GBP2: variants seen among roughly 807,000 people sequenced by gnomAD.
GBP2 encodes the protein guanylate binding protein 2.
GBP2 carries 54 observed loss-of-function variants against 60.8 expected under a neutral mutation model. That is an observed-to-expected ratio of 0.89 (90% CI 0.71 to 1.11). The LOEUF (loss-of-function observed/expected upper bound fraction) is 1.11. GBP2 is among the 50% of genes most tolerant of loss of function. The pLI, the probability that GBP2 is intolerant of heterozygous loss-of-function variation, is 0.00. For synonymous variants in GBP2, 243 were observed against 256.5 expected (o/e 0.95, Z 0.50); for missense variants, 665 against 703.3 (o/e 0.95, Z 0.62).
In GBP2 at chr1:89,121,262, G is replaced by A. The variant is rs771537263; in HGVS notation, c.199C>T (p.Leu67=). 4 of 1,604,270 alleles carry A rather than the reference G, an allele frequency of 2.5e-6. No individual in the cohort carries two copies. The African/African-American group carries it at 4.0e-5, about 16-fold the overall frequency. ...GTGTGAGACTTCACTGTGGAGCCTA[G>A]AGAGAAGCCTGTAGAAGGAGAGGAT... The part of the protein sequence containing the change: ...KLAGKKNGFS[L]GSTVKSHTKG... Residue 67 remains leucine, a synonymous_variant, in exon 3 of 11, where the codon CTA becomes TTA. Transcript: ENST00000370466.
chr1:89,121,279 G>A lies in GBP2; in HGVS notation c.191-9C>T. ...GGAGCCTAGAGAGAAGCCTGTAGAA[G>A]GAGAGGATAAAAGGGAAAAGAAATT... is the stretch of plus-strand genomic sequence containing the variant. On this transcript the variant is annotated splice_polypyrimidine_tract_variant and intron_variant, in intron 2 of 10. Transcript: ENST00000370466. The A allele has an allele frequency of 1.3e-6, 2 of 1,594,314 alleles. No individual in the cohort carries two copies. Among genetic ancestry groups the A allele is most frequent in the Non-Finnish European group, 1.7e-6 (2 of 1,171,316 alleles).
In GBP2 at chr1:89,108,103, C is replaced by G. The variant is rs1681088398; in HGVS notation, c.*72G>C. Reference sequence around the variant, plus strand: ...TAAGTTTAATGGCAGTTGTTTGACACTCTGAAGTTGCTCATTCATGTTGTT... The same window carrying G: ...TAAGTTTAATGGCAGTTGTTTGACAGTCTGAAGTTGCTCATTCATGTTGTT... On this transcript the variant is annotated 3_prime_UTR_variant, in exon 11 of 11. Coordinates refer to ENST00000370466, the MANE Select transcript of GBP2 (RefSeq NM_004120.5). The G allele has an allele frequency of 5.1e-6, 4 of 782,296 alleles. 1 individual carries two copies. In the South Asian group the frequency reaches 6.0e-5, roughly 12 times the overall value. 48.5% of individuals were successfully genotyped at this position (782,296 alleles called of 1,614,324 possible). A position where few individuals can be genotyped will look rare whatever the true frequency, so the allele number is the denominator to read the frequency against.
chr1:89,124,913 G>A (rs1681489563), intron 1 of GBP2, among the ~76,000 whole-genome samples: 1 of 152,194 alleles, frequency 6.6e-6, no homozygotes, highest in South Asian at 2.1e-4. Context: ...TTCAGGTAAT[G>A]AAGCCAGCAT....
chr1:89,121,919 G>T lies in GBP2; in HGVS notation c.48C>A (p.Asn16Lys). ...NLPGPMSLID[N>K]TKGQLVVNPE... ...GATTCACCACCAGCTGCCCTTTAGT[G>T]TTATCAATGAGGCTCATTGGGCCCG... Residue 16 changes from asparagine to lysine, a missense_variant, in exon 2 of 11, where the codon AAC (asparagine) becomes AAA (lysine). Asn to Lys is a moderately conservative substitution (Grantham distance 94). Transcript: ENST00000370466. 1 of 1,614,006 alleles carries T rather than the reference G, an allele frequency of 6.2e-7. No homozygotes were observed. The highest frequency in any genetic ancestry group is 1.6e-4 in the Middle Eastern group (1 of 6,062).
chr1:89,125,037 A>G (rs1222622922), intron 1 of GBP2, among the ~76,000 whole-genome samples: 2 of 152,220 alleles, frequency 1.3e-5, no homozygotes, highest in Non-Finnish European at 2.9e-5. Flanking sequence ...TGATAATTTG[A>G]TAATTTTGTA....
rs140765409 is a variant in GBP2, at chr1:89,117,750, C to T, written c.452G>A (p.Arg151Gln). Residue 151 changes from arginine (R) to glutamine (Q), a missense_variant, in exon 5 of 11, where the codon CGA (arginine) becomes CAA (glutamine). Physicochemically the swap from Arg to Gln is conservative, Grantham distance 43 (BLOSUM62 1). Coordinates refer to ENST00000370466, the MANE Select transcript of GBP2 (RefSeq NM_004120.5). ...ACCAGGTGAGGAGTTTGCCTTGATT[C>T]GATCTGTCAGCTCTGTCACATAGCT... ...QLHYVTELTD[R>Q]IKANSSPGNN... 45 of 1,613,122 alleles carry T rather than the reference C, an allele frequency of 2.8e-5. 1 individual carries two copies. In the Admixed American group the frequency reaches 2.8e-4, roughly 10 times the overall value.
Position 89,107,284 on chromosome 1 carries a change from GCAGT to G in GBP2, c.*887_*890del, listed in dbSNP as rs1681075340. ...ATAGCAGAGGAGCAGAGAGAAAAAT[GCAGT>G]CAAGTTTTAGGCTTTATAGGATTAT... On this transcript the variant is annotated 3_prime_UTR_variant, in exon 11 of 11. Coordinates refer to ENST00000370466, the MANE Select transcript of GBP2 (RefSeq NM_004120.5). Among the ~76,000 whole-genome samples, 1 of 151,956 alleles carries G rather than the reference GCAGT, an allele frequency of 6.6e-6. No individual in the cohort carries two copies. Among genetic ancestry groups the G allele is most frequent in the African/African-American group, 2.4e-5 (1 of 41,314 alleles).
rs1220806342 is a variant in GBP2, at chr1:89,107,304, A to T, written c.*871T>A. Reference sequence around the variant, plus strand: ...AAAATGCAGTCAAGTTTTAGGCTTTATAGGATTATAGTCCTGGTCCTCAGA... The same window carrying T: ...AAAATGCAGTCAAGTTTTAGGCTTTTTAGGATTATAGTCCTGGTCCTCAGA... On this transcript the variant is annotated 3_prime_UTR_variant, in exon 11 of 11. Transcript: ENST00000370466. 6.6e-6 allele frequency among the ~76,000 whole-genome samples: 1 copy of T among 152,048 alleles called. No individual in the cohort carries two copies. Among genetic ancestry groups the T allele is most frequent in the Non-Finnish European group, 1.5e-5 (1 of 68,020 alleles).
rs750332417 is a variant in GBP2, at chr1:89,112,627, CTGA to C, written c.1204_1206del (p.Ser402del). ...TCCTGAAGTAAAGCCATGCAACAAT[CTGA>C]TGATGCTTTGGAATTCTGCTTACAA... On this transcript the variant is annotated inframe_deletion, in exon 8 of 11. Coordinates refer to ENST00000370466, the MANE Select transcript of GBP2 (RefSeq NM_004120.5). 18 of 1,614,088 alleles carry C rather than the reference CTGA, an allele frequency of 1.1e-5. No individual in the cohort carries two copies. The African/African-American group carries it at 2.4e-4, about 22-fold the overall frequency.
chr1:89,110,745 G>T (rs1359766453), intron 8 of GBP2, among the ~76,000 whole-genome samples: 1 of 152,102 alleles, frequency 6.6e-6, no homozygotes, highest in Non-Finnish European at 1.5e-5. Flanking sequence ...AGGGATAAAA[G>T]ACTACACACT....
chr1:89,113,977 T>C (rs772019954), intron 7 of GBP2, 39 bp downstream of exon 7: 2 of 1,607,316 alleles, frequency 1.2e-6, no homozygotes, highest in South Asian at 1.1e-5. Flanking sequence ...GAAGGGCCCA[T>C]ATTTTTCTGC....
chr1:89,114,107 T>G lies in GBP2; in HGVS notation c.1058A>C (p.Asp353Ala). 1.2e-6 allele frequency: 2 copies of G among 1,614,226 alleles called. No individual in the cohort carries two copies. Among genetic ancestry groups the G allele is most frequent in the Admixed American group, 3.3e-5 (2 of 60,032 alleles). ...CTCTCTCTCACTGTCCCTGTGCAGG[T>G]CCAGCAGCTCCTGGAGGGTTTCCGT... The part of the protein sequence containing the change: ...LPTETLQELL[D>A]LHRDSEREAI... Residue 353 changes from aspartate (D) to alanine (A), a missense_variant, in exon 7 of 11, where the codon GAC becomes GCC. Transcript: ENST00000370466.
At position 89,110,106 on chromosome 1, in the gene GBP2, T is replaced by C. The variant is rs1570315792; in HGVS notation, c.1465+58A>G. ...ATAATAATTCCAGGTGGACCAATAT[T>C]GCTAACTAACATTTTGAGAGCTTTC... On this transcript the variant is annotated intron_variant, in intron 9 of 10. Transcript: ENST00000370466. 12 of 1,257,120 alleles carry C rather than the reference T, an allele frequency of 9.5e-6. No homozygotes were observed. In the South Asian group the frequency reaches 1.2e-4, roughly 13 times the overall value. 77.9% of individuals were successfully genotyped at this position (1,257,120 alleles called of 1,614,324 possible).
rs1314172154 is a variant in GBP2, at chr1:89,117,719, A to G, written c.483T>C (p.Asn161=). The change falls in exon 5 of 11, where the codon AAT becomes AAC. Residue 161 remains asparagine, a synonymous_variant. Transcript: ENST00000370466. ...CAAAGTCAGCTGAGTCGTCTACAGA[A>G]TTGTTACCAGGTGAGGAGTTTGCCT... ...RIKANSSPGN[N]SVDDSADFVS... is the part of the protein sequence containing the mutation. 2.5e-6 allele frequency: 4 copies of G among 1,614,102 alleles called. No homozygotes were observed. The East Asian group carries it at 8.9e-5, about 36-fold the overall frequency.
Position 89,108,072 on chromosome 1 carries a change from T to C in GBP2, c.*103A>G, listed in dbSNP as rs1204574675. On this transcript the variant is annotated 3_prime_UTR_variant, in exon 11 of 11. Transcript: ENST00000370466. ...CAACAAAAATGCATGCATCATGATT[T>C]TGAGTTAAGTTTAATGGCAGTTGTT... 2 of 676,832 alleles carry C rather than the reference T, an allele frequency of 3.0e-6. No homozygotes were observed. The highest frequency in any genetic ancestry group is 2.4e-5 in the Admixed American group (1 of 41,244). The allele number at this position is 676,832 out of a possible 1,614,324, so 41.9% of individuals were successfully genotyped here.
chr1:89,111,664 A>C (rs1250952155), intron 8 of GBP2, among the ~76,000 whole-genome samples: 1 of 151,832 alleles, frequency 6.6e-6, no homozygotes, highest in African/African-American at 2.4e-5. Flanking sequence ...GGGATGGTTA[A>C]TGGGTAAAAA....
chr1:89,112,510 T>TCAGCTCCTG lies in GBP2; in HGVS notation c.1315_1323dup (p.Gln439_Leu441dup). On this transcript the variant is annotated inframe_insertion, in exon 8 of 11. Transcript: ENST00000370466. ...CTTGGCACCTGGTAGTACTTATTCTTCAGCTCCTGCAGCTTCTGAGTAAAG... is the reference window on the plus strand; with the variant it reads ...CTTGGCACCTGGTAGTACTTATTCTTCAGCTCCTGCAGCTCCTGCAGCTTCTGAGTAAAG... The TCAGCTCCTG allele has an allele frequency of 6.2e-7, 1 of 1,614,172 alleles. No homozygotes were observed. The highest frequency in any genetic ancestry group is 1.1e-5 in the South Asian group (1 of 91,084).
At position 89,121,949 on chromosome 1, in the gene GBP2, G is replaced by A. The variant is rs1252847206; in HGVS notation, c.18C>T (p.Asn6=). 3 of 1,613,088 alleles carry A rather than the reference G, an allele frequency of 1.9e-6. No homozygotes were observed. Among genetic ancestry groups the A allele is most frequent in the East Asian group, 2.2e-5 (1 of 44,854 alleles). The change falls in exon 2 of 11, where the codon AAC becomes AAT. Residue 6 remains asparagine (N), a synonymous_variant. Transcript: ENST00000370466. Reference sequence around the variant, plus strand: ...CAATGAGGCTCATTGGGCCCGGCAAGTTGATCTCTGGAGCCATGTCCAGGG... The same window carrying A: ...CAATGAGGCTCATTGGGCCCGGCAAATTGATCTCTGGAGCCATGTCCAGGG... MAPEI[N]LPGPMSLIDN...
At chr1:89,108,542 G>A (rs1269589859) in intron 10 of GBP2, among the ~76,000 whole-genome samples, 1 of 152,126 alleles carries the variant, frequency 6.6e-6, no homozygotes. Flanking sequence ...ATGCAACACA[G>A]TCTTTCTGGA....
Sources: allele counts gnomAD v4.1 joint callset (sites outside exome capture counted in the v4.1 genomes callset), GRCh38; gene constraint gnomAD v4.1.1; transcripts MANE v1.5; gene names NCBI Gene and HGNC (gene_info 2026-07-23, HGNC 2026-07-21).